The following CHP1 variants were observed in gnomAD, a reference collection of about 807,000 sequenced individuals.
CHP1 encodes calcineurin B homologous protein 1.
A neutral mutation model predicts 27.4 loss-of-function variants in CHP1; 11 were observed. The observed-to-expected ratio is 0.40, with a 90% CI of 0.25 to 0.67. CHP1 has a LOEUF of 0.67. Among genes scored for constraint, CHP1 ranks in the 30% least tolerant of loss-of-function variants. The probability of loss-of-function intolerance (pLI) is 0.38; values close to 1 mark genes in which losing one functional copy is unlikely to be tolerated. For missense variants in CHP1, 169 were observed against 251.3 expected (o/e 0.67, Z 2.22); for synonymous variants, 89 against 87.4 (o/e 1.02, Z -0.10).
At chr15:41,277,283 C>T (rs1454715676) in intron 5 of CHP1, among the ~76,000 whole-genome samples, 1 of 152,176 alleles carries the variant, frequency 6.6e-6, no homozygotes, top group East Asian at 1.9e-4. Context: ...ACTACAAACC[C>T]GTGCAGCAAG....
intron 5 of CHP1, among the ~76,000 whole-genome samples, chr15:41,274,728 G>C (rs528352770): frequency 6.6e-6 from 1 of 151,694 alleles, no homozygotes; most frequent in East Asian, 1.9e-4. Context: ...CATCTGCTTG[G>C]CAACACACAG....
At chr15:41,243,615 G>T in intron 1 of CHP1, 52 bp from the exon 2 acceptor site, 1 of 1,497,252 alleles carries the variant, frequency 6.7e-7, no homozygotes, top group African/African-American at 1.4e-5. Flanking sequence ...GGTGGGTTCA[G>T]TGTGAATGAG....
chr15:41,278,894 G>T lies in CHP1; in HGVS notation c.534+5G>T, dbSNP rs752056361. On this transcript the variant is annotated splice_donor_5th_base_variant and intron_variant, in intron 6 of 6. Transcript: ENST00000334660. ...TCTTTCACAGAATTTGTTAAGGTTGGTCACTTACTTCTTGTTTGAAAAAGT... is the reference window on the plus strand; with the variant it reads ...TCTTTCACAGAATTTGTTAAGGTTGTTCACTTACTTCTTGTTTGAAAAAGT... 18 of 1,613,992 alleles carry T rather than the reference G, an allele frequency of 1.1e-5. No homozygotes were observed. The Admixed American group carries it at 2.8e-4, about 25-fold the overall frequency.
chr15:41,240,157 G>T (rs540057537), intron 1 of CHP1, among the ~76,000 whole-genome samples: 36 of 151,966 alleles, frequency 2.4e-4, no homozygotes, highest in Non-Finnish European at 5.0e-4. Context: ...GATTTTTTTG[G>T]TTTAAAATAA....
chr15:41,235,127 G>A (rs2047270191), intron 1 of CHP1, among the ~76,000 whole-genome samples: 1 of 152,124 alleles, frequency 6.6e-6, no homozygotes, highest in Non-Finnish European at 1.5e-5. Context: ...TTGAAAAAAA[G>A]GTGTAATCGG....
chr15:41,253,655 C>T (rs1026733213), intron 2 of CHP1, among the ~76,000 whole-genome samples: 18 of 151,594 alleles, frequency 1.2e-4, no homozygotes, highest in Admixed American at 2.6e-4. Context: ...GGGGTTTCAC[C>T]GTGTTAGCCA....
Position 41,249,377 on chromosome 15 carries a change from C to T in CHP1, c.140+5638C>T, listed in dbSNP as rs544281693. ...CATGTTCCCCATGACTGGTCTCGAA[C>T]TCCTGAACTCAAACCATCTGCCTGC... On this transcript the variant is annotated intron_variant, in intron 2 of 6. Transcript: ENST00000334660. 4.0e-5 allele frequency among the ~76,000 whole-genome samples: 6 copies of T among 151,598 alleles called. No individual in the cohort carries two copies. In the South Asian group the frequency reaches 1.0e-3, roughly 26 times the overall value.
At chr15:41,256,839 T>TA in intron 2 of CHP1, 71 bp from the exon 3 acceptor site, 1 of 1,247,070 alleles carries the variant, frequency 8.0e-7, no homozygotes, top group Non-Finnish European at 1.2e-6. Flanking sequence ...TACACCCTGT[T>TA]ACCTCCTGAC....
chr15:41,244,211 A>AC (rs2047322044), intron 2 of CHP1, among the ~76,000 whole-genome samples: 1 of 151,724 alleles, frequency 6.6e-6, no homozygotes, highest in African/African-American at 2.4e-5. Flanking sequence ...AAAAAAAAAA[A>AC]AACAGCGGAA....
At position 41,240,844 on chromosome 15, in the gene CHP1, G is replaced by C. The variant is rs141048757; in HGVS notation, c.68-2823G>C. Among the ~76,000 whole-genome samples the C allele has an allele frequency of 3.3e-3, 480 of 147,026 alleles. 4 individuals carry two copies. The highest frequency in any genetic ancestry group is 0.011 in the African/African-American group (455 of 39,630). ...TTTTGTTTTTTTCAAAAAATCTTTTGGGAAACTTAGTAATTCTTTTTTTTT... is the reference window on the plus strand; with the variant it reads ...TTTTGTTTTTTTCAAAAAATCTTTTCGGAAACTTAGTAATTCTTTTTTTTT... On this transcript the variant is annotated intron_variant, in intron 1 of 6. Transcript: ENST00000334660.
At chr15:41,252,733 C>T (rs535000888) in intron 2 of CHP1, among the ~76,000 whole-genome samples, 37 of 152,106 alleles carry the variant, frequency 2.4e-4, no homozygotes, top group Admixed American at 1.4e-3. Context: ...GTTTGGAAAA[C>T]CACTCCCCAT....
At chr15:41,271,125 G>C (rs2047487165) in intron 5 of CHP1, among the ~76,000 whole-genome samples, 1 of 151,934 alleles carries the variant, frequency 6.6e-6, no homozygotes, top group Admixed American at 6.6e-5. Flanking sequence ...TGTGGTGGCG[G>C]GCACCTGTAG....
At chr15:41,247,957 A>G (rs1595473896) in intron 2 of CHP1, among the ~76,000 whole-genome samples, 1 of 151,502 alleles carries the variant, frequency 6.6e-6, no homozygotes, top group African/African-American at 2.4e-5. Flanking sequence ...CGACAGAGCA[A>G]GACTCCGTCT....
intron 5 of CHP1, among the ~76,000 whole-genome samples, chr15:41,274,149 C>T (rs940286497): frequency 7.2e-5 from 11 of 151,894 alleles, no homozygotes; most frequent in South Asian, 2.1e-4. Flanking sequence ...TTAGTAGAGA[C>T]GGGGTTTCAC....
chr15:41,242,234 A>G (rs552652180), intron 1 of CHP1, among the ~76,000 whole-genome samples: 1 of 152,318 alleles, frequency 6.6e-6, no homozygotes, highest in East Asian at 1.9e-4. Flanking sequence ...TCATGCCATC[A>G]CAGAAAAGAG....
chr15:41,277,291 A>G (rs2047523899), intron 5 of CHP1, among the ~76,000 whole-genome samples: 1 of 152,202 alleles, frequency 6.6e-6, no homozygotes, highest in Non-Finnish European at 1.5e-5. Flanking sequence ...CCCGTGCAGC[A>G]AGTTACTGTT....
At chr15:41,259,019 A>C (rs1038890856) in intron 3 of CHP1, among the ~76,000 whole-genome samples, 1 of 152,198 alleles carries the variant, frequency 6.6e-6, no homozygotes, top group East Asian at 1.9e-4. Context: ...CACGTTGACT[A>C]TGAGGAATCT....
intron 2 of CHP1, among the ~76,000 whole-genome samples, chr15:41,251,683 C>T (rs2047367566): frequency 1.3e-5 from 2 of 152,114 alleles, no homozygotes; most frequent in South Asian, 4.1e-4. Flanking sequence ...GAATCTAATG[C>T]CTGCTGATCT....
chr15:41,273,801 T>G (rs979311527), intron 5 of CHP1, among the ~76,000 whole-genome samples: 10 of 151,008 alleles, frequency 6.6e-5, no homozygotes, highest in African/African-American at 2.4e-4. Flanking sequence ...GTAGGCTGGG[T>G]GTGGTGTTTC....
Sources: allele counts gnomAD v4.1 joint callset (sites outside exome capture counted in the v4.1 genomes callset), GRCh38; gene constraint gnomAD v4.1.1; transcripts MANE v1.5; gene names NCBI Gene and HGNC (gene_info 2026-07-23, HGNC 2026-07-21).